The following SLC52A3 variants were observed in gnomAD, a reference collection of about 807,000 sequenced individuals.
The protein encoded by SLC52A3 is solute carrier family 52, riboflavin transporter, member 3.
A neutral mutation model predicts 29.5 loss-of-function variants in SLC52A3; 20 were observed. The observed-to-expected ratio is 0.68, with a 90% CI of 0.48 to 0.99. SLC52A3 has a LOEUF of 0.99. Among genes scored for constraint, SLC52A3 ranks in the 50% least tolerant of loss-of-function variants. The pLI is 0.00. For missense variants in SLC52A3, 548 were observed against 612.9 expected, an observed-to-expected ratio of 0.89 and a Z score of 1.12; for synonymous variants, 301 against 271.0, an observed-to-expected ratio of 1.11 and a Z score of -1.09.
At position 763,964 on chromosome 20, in the gene SLC52A3, C is replaced by T; in HGVS notation, c.607G>A (p.Glu203Lys). 1 of 1,607,098 alleles carries T rather than the reference C, an allele frequency of 6.2e-7. No homozygotes were observed. The highest frequency in any genetic ancestry group is 8.5e-7 in the Non-Finnish European group (1 of 1,176,840). ...CTCTCCAGGTGGGACAAGGGTGCTTCCATTCCGGGGAGGGCGGACACCAAA... is the reference window on the plus strand; with the variant it reads ...CTCTCCAGGTGGGACAAGGGTGCTTTCATTCCGGGGAGGGCGGACACCAAA... ...RALVSALPGM[E>K]APLSHLESRY... Residue 203 changes from glutamate (E) to lysine (K), a missense_variant, in exon 3 of 5, where the codon GAA becomes AAA. Physicochemically the swap from Glu to Lys is moderately conservative, Grantham distance 56. Transcript: ENST00000645534.
At chr20:766,576 T>G (rs6085770) in intron 1 of SLC52A3, among the ~76,000 whole-genome samples, 1 of 151,862 alleles carries the variant, frequency 6.6e-6, no homozygotes, top group Non-Finnish European at 1.5e-5. Flanking sequence ...GAAGCTCCCC[T>G]ACTGAGCACC....
chr20:763,479 G>C lies in SLC52A3; in HGVS notation c.1073+19C>G. On this transcript the variant is annotated intron_variant, in intron 3 of 4. Transcript: ENST00000645534. ...AGTGTTCCCCCACTAGGATTCCCTA[G>C]GACCAGATGAGGGCACACCTGTTAG... 1 of 1,613,772 alleles carries C rather than the reference G, an allele frequency of 6.2e-7. No individual in the cohort carries two copies. The highest frequency in any genetic ancestry group is 1.1e-5 in the South Asian group (1 of 91,062).
Position 764,019 on chromosome 20 carries a change from C to G in SLC52A3, c.568-16G>C. ...TGGGAACTCCCTGCAAAGGACAAGA[C>G]AGATCCCTGGTCAGGGGAGGGGATC... is the stretch of plus-strand genomic sequence containing the variant. On this transcript the variant is annotated splice_polypyrimidine_tract_variant and intron_variant, in intron 2 of 4. Coordinates refer to ENST00000645534, the MANE Select transcript of SLC52A3 (RefSeq NM_033409.4). 7.0e-7 allele frequency: 1 copy of G among 1,431,726 alleles called. No homozygotes were observed. The highest frequency in any genetic ancestry group is 9.2e-7 in the Non-Finnish European group (1 of 1,088,204). The allele number at this position is 1,431,726 out of a possible 1,614,324, so 88.7% of individuals were successfully genotyped here. A position where few individuals can be genotyped will look rare whatever the true frequency, so the allele number is the denominator to read the frequency against.
chr20:779,951 T>C (rs1987164139), upstream of SLC52A3, among the ~76,000 whole-genome samples: 1 of 152,192 alleles, frequency 6.6e-6, no homozygotes, highest in Admixed American at 6.5e-5. Context: ...ATGAGTTTCC[T>C]CTTGAGGTTG....
chr20:765,892 G>A lies in SLC52A3; in HGVS notation c.-51-67C>T, dbSNP rs1329373765. 3.1e-5 allele frequency: 31 copies of A among 1,009,142 alleles called. No homozygotes were observed. The highest frequency in any genetic ancestry group is 3.3e-5 in the Non-Finnish European group (22 of 665,764). 62.5% of individuals were successfully genotyped at this position (1,009,142 alleles called of 1,614,324 possible). A position where few individuals can be genotyped will look rare whatever the true frequency, so the allele number is the denominator to read the frequency against. On this transcript the variant is annotated intron_variant, in intron 1 of 4. Coordinates refer to ENST00000645534, the MANE Select transcript of SLC52A3 (RefSeq NM_033409.4). The surrounding 1 kb of genome is among the most constrained non-coding windows in gnomAD (Gnocchi z 6.6). ...ACCTAGCAAGATGCTGGGACCTGGG[G>A]CCCAGAGTTTTCTCTTATTACTCCC...
In SLC52A3 at chr20:765,039, C is replaced by T. The variant is rs6117513; in HGVS notation, c.567+169G>A. ...CTCATATTTTTTGGGGACTCCCATG[C>T]GTATGTATGTAAGTAATTAAAATGA... On this transcript the variant is annotated intron_variant, in intron 2 of 4. Coordinates refer to ENST00000645534, the MANE Select transcript of SLC52A3 (RefSeq NM_033409.4). This position sits in a 1 kb window ranked among gnomAD's most constrained non-coding sequence, Gnocchi z 6.6. 0.18 allele frequency among the ~76,000 whole-genome samples: 26,922 copies of T among 152,078 alleles called. 2,511 individuals carry two copies. Among genetic ancestry groups the T allele is most frequent in the African/African-American group, 0.24 (9,779 of 41,470 alleles).
At chr20:776,630 T>C (rs2122560060), upstream of SLC52A3, among the ~76,000 whole-genome samples, 1 of 151,878 alleles carries the variant, frequency 6.6e-6, no homozygotes, top group African/African-American at 2.4e-5. Context: ...ACCTGAGGGG[T>C]TCTTTCTGCC....
At chr20:769,683 G>C (rs1263398752), upstream of SLC52A3, among the ~76,000 whole-genome samples, 1 of 152,132 alleles carries the variant, frequency 6.6e-6, no homozygotes, top group Non-Finnish European at 1.5e-5. Context: ...GATCCCTTGA[G>C]GTCATGAGTC....
In SLC52A3 at chr20:761,702, A is replaced by G; in HGVS notation, c.1196T>C (p.Ile399Thr). 6.2e-7 allele frequency: 1 copy of G among 1,613,784 alleles called. No homozygotes were observed. Among genetic ancestry groups the G allele is most frequent in the Non-Finnish European group, 8.5e-7 (1 of 1,179,948 alleles). The change falls in exon 4 of 5, where the codon ATT (isoleucine) becomes ACT (threonine). Residue 399 changes from isoleucine (I) to threonine (T), a missense_variant and splice_region_variant. Transcript: ENST00000645534. ...CAGCCCCACCGGCCGGATACTCACAATGAGGACTTCCCCACCCCAGTGGCC... is the reference window on the plus strand; with the variant it reads ...CAGCCCCACCGGCCGGATACTCACAGTGAGGACTTCCCCACCCCAGTGGCC... ...LQGHWGGEVL[I>T]VASWVLFSGC...
At chr20:777,405 A>G (rs1029908270), upstream of SLC52A3, among the ~76,000 whole-genome samples, 1 of 152,096 alleles carries the variant, frequency 6.6e-6, no homozygotes, top group Non-Finnish European at 1.5e-5. Flanking sequence ...TTATGTCTAC[A>G]CCTTAGGAGG....
At position 765,581 on chromosome 20, in the gene SLC52A3, C is replaced by G; in HGVS notation, c.194G>C (p.Arg65Pro). The G allele has an allele frequency of 6.3e-7, 1 of 1,585,760 alleles. No individual in the cohort carries two copies. Among genetic ancestry groups the G allele is most frequent in the Non-Finnish European group, 8.6e-7 (1 of 1,166,474 alleles). ...GGGCACTTCGGAAAGGCAGCTGGGCCGGAAGTGATGGAGCAGGGTGACCAG... is the reference window on the plus strand; with the variant it reads ...GGGCACTTCGGAAAGGCAGCTGGGCGGGAAGTGATGGAGCAGGGTGACCAG... ...PLLVTLLHHFRPSCLSEVPII... is the reference protein window; with the variant it reads ...PLLVTLLHHFPPSCLSEVPII... Residue 65 changes from arginine to proline, a missense_variant, in exon 2 of 5, where the codon CGG becomes CCG. Arg to Pro is a moderately radical substitution (Grantham distance 103). Around this residue, in one of 2 missense-constraint regions of SLC52A3, gnomAD observed 375 missense variants for 471.1 expected, o/e 0.80. Coordinates refer to ENST00000645534, the MANE Select transcript of SLC52A3 (RefSeq NM_033409.4). This position sits in a 1 kb window ranked among gnomAD's most constrained non-coding sequence, Gnocchi z 6.6.
chr20:776,404 A>C (rs550350867), upstream of SLC52A3, among the ~76,000 whole-genome samples: 32 of 152,354 alleles, frequency 2.1e-4, no homozygotes, highest in African/African-American at 7.7e-4. Flanking sequence ...GCCAGTGTGC[A>C]CTGAGCTGAC....
chr20:765,526 G>A lies in SLC52A3; in HGVS notation c.249C>T (p.Thr83=), dbSNP rs200606057. Residue 83 remains threonine (T), a synonymous_variant, in exon 2 of 5, where the codon ACC becomes ACT. Coordinates refer to ENST00000645534, the MANE Select transcript of SLC52A3 (RefSeq NM_033409.4). The surrounding 1 kb of genome is among the most constrained non-coding windows in gnomAD (Gnocchi z 6.6). ...PIIFTLLGVG[T]VTCIIFAFLW... is the part of the protein sequence containing the mutation. ...GGAAGGCAAAGATGATGCAGGTGAC[G>A]GTTCCCACGCCCAGCAGGGTGAAGA... 6.0e-5 allele frequency: 94 copies of A among 1,577,102 alleles called. No individual in the cohort carries two copies. The highest frequency in any genetic ancestry group is 9.4e-5 in the African/African-American group (7 of 74,276).
Position 760,900 on chromosome 20 carries a change from G to T in SLC52A3, c.*126C>A. ...TGCCATCTTCCCCACAGTCCCCAGT[G>T]GGCACTTGCGTTCATGATTCAATTA... On this transcript the variant is annotated 3_prime_UTR_variant, in exon 5 of 5. Transcript: ENST00000645534. This position sits in a 1 kb window ranked among gnomAD's most constrained non-coding sequence, Gnocchi z 4.9. 1.1e-6 allele frequency: 1 copy of T among 950,834 alleles called. No individual in the cohort carries two copies. 58.9% of individuals were successfully genotyped at this position (950,834 alleles called of 1,614,324 possible).
chr20:777,190 C>T (rs1224383395), upstream of SLC52A3, among the ~76,000 whole-genome samples: 1 of 151,768 alleles, frequency 6.6e-6, no homozygotes, highest in African/African-American at 2.4e-5. Context: ...GAGCCGAGAT[C>T]GCGCCGTTGC....
At chr20:775,559 C>T (rs567073576) in intron 1 of SLC52A3, among the ~76,000 whole-genome samples, 2 of 152,144 alleles carry the variant, frequency 1.3e-5, no homozygotes, top group South Asian at 2.1e-4. Context: ...GGATTACAGG[C>T]GTGAGCCATG....
intron 1 of SLC52A3, among the ~76,000 whole-genome samples, chr20:773,792 C>T (rs1986922145): frequency 1.3e-5 from 2 of 152,140 alleles, no homozygotes; most frequent in Non-Finnish European, 1.5e-5. Flanking sequence ...ATTCTTGCAT[C>T]AAAAGCTGTG....
At chr20:779,549 G>A (rs1438879936), upstream of SLC52A3, among the ~76,000 whole-genome samples, 1 of 152,218 alleles carries the variant, frequency 6.6e-6, no homozygotes, top group Non-Finnish European at 1.5e-5. Context: ...GAACCCAGAG[G>A]CAGAGGTTGC....
intron 3 of SLC52A3, among the ~76,000 whole-genome samples, chr20:762,772 C>T (rs1986533370): frequency 6.6e-6 from 1 of 152,182 alleles, no homozygotes; most frequent in African/African-American, 2.4e-5. Context: ...TCCTCACTGT[C>T]CTTCTTCTGG....
Sources: gnomAD v4.1 joint callset for allele counts (sites outside exome capture counted in the v4.1 genomes callset) on GRCh38, gnomAD v4.1.1 for gene constraint, gnomAD v4.1.1 regional missense constraint, Gnocchi (gnomAD v3.1) non-coding constraint, MANE v1.5 for transcripts, NCBI Gene and HGNC (gene_info 2026-07-23, HGNC 2026-07-21) for gene names.